The following GRXCR1 variants were observed in gnomAD, a reference collection of about 807,000 sequenced individuals.
GRXCR1 encodes glutaredoxin domain-containing cysteine-rich protein 1.
Under a neutral mutation model 27.3 loss-of-function variants are expected in GRXCR1, and 27 were observed. The observed-to-expected ratio is 0.99, with a 90% CI of 0.73 to 1.37. The LOEUF (loss-of-function observed/expected upper bound fraction) is 1.37, where lower values mean the gene tolerates loss of function less well. Among genes scored for constraint, GRXCR1 ranks in the 40% most tolerant of loss-of-function variants. The pLI is 0.00. For synonymous variants in GRXCR1, 122 were observed against 131.1 expected (o/e 0.93, Z 0.47); for missense variants, 379 against 354.4 (o/e 1.07, Z -0.56).
intron 2 of GRXCR1, among the ~76,000 whole-genome samples, chr4:43,004,118 T>C (rs911735540): frequency 5.9e-5 from 9 of 152,190 alleles, no homozygotes; most frequent in Non-Finnish European, 1.2e-4. Flanking sequence ...TCCCAGCCAC[T>C]CCAGCACCAG....
chr4:42,989,322 C>A lies in GRXCR1; in HGVS notation c.627+26188C>A, dbSNP rs567681617. Among the ~76,000 whole-genome samples the A allele has an allele frequency of 1.2e-4, 18 of 152,138 alleles. No homozygotes were observed. The South Asian group carries it at 3.5e-3, about 30-fold the overall frequency. On this transcript the variant is annotated intron_variant, in intron 2 of 3. Transcript: ENST00000399770. Reference sequence around the variant, plus strand: ...GTGGCCTTTTCTCTCTTCCTATTGTCTCTTCTTCATCTAATATGGACACTA... The same window carrying A: ...GTGGCCTTTTCTCTCTTCCTATTGTATCTTCTTCATCTAATATGGACACTA...
At chr4:42,980,571 C>A (rs1748638073) in intron 2 of GRXCR1, among the ~76,000 whole-genome samples, 2 of 151,998 alleles carry the variant, frequency 1.3e-5, no homozygotes, top group South Asian at 4.1e-4. Context: ...GTGATCTGTC[C>A]TGAAGACTGT....
chr4:42,973,725 A>G (rs908186704), intron 2 of GRXCR1, among the ~76,000 whole-genome samples: 1 of 152,086 alleles, frequency 6.6e-6, no homozygotes, highest in African/African-American at 2.4e-5. Flanking sequence ...AGGCAGACAT[A>G]TTTGCATGCA....
intron 2 of GRXCR1, among the ~76,000 whole-genome samples, chr4:43,003,150 T>A (rs1301131832): frequency 6.6e-6 from 1 of 152,228 alleles, no homozygotes; most frequent in African/African-American, 2.4e-5. Context: ...CCTGTAGAAC[T>A]GTTAGTCACT....
chr4:42,999,516 G>A (rs796872787), intron 2 of GRXCR1, among the ~76,000 whole-genome samples: 4 of 152,170 alleles, frequency 2.6e-5, no homozygotes, highest in African/African-American at 9.6e-5. Flanking sequence ...CCTTTCTTTG[G>A]AAGTAAAAAC....
At chr4:42,977,593 A>T (rs1436503362) in intron 2 of GRXCR1, among the ~76,000 whole-genome samples, 2 of 151,972 alleles carry the variant, frequency 1.3e-5, no homozygotes, top group African/African-American at 4.8e-5. Flanking sequence ...TGTAACTATT[A>T]GTCATTTTAT....
intron 1 of GRXCR1, among the ~76,000 whole-genome samples, chr4:42,946,777 A>T (rs1192302391): frequency 6.6e-6 from 1 of 152,118 alleles, no homozygotes; most frequent in Non-Finnish European, 1.5e-5. Context: ...CCCATCTCTT[A>T]ATACTATTGC....
intron 2 of GRXCR1, among the ~76,000 whole-genome samples, chr4:43,006,691 C>G (rs190315522): frequency 5.3e-5 from 8 of 152,318 alleles, no homozygotes; most frequent in African/African-American, 1.7e-4. Flanking sequence ...ATCCTGTGGT[C>G]CTGTGATCTC....
rs555403611 is a variant in GRXCR1, at chr4:42,986,317, G to A, written c.627+23183G>A. Reference sequence around the variant, plus strand: ...AAGACTTAAAATGCTGAAGTGAGGGGCTCATTGTGAGCTTTTTCTCTGAGT... The same window carrying A: ...AAGACTTAAAATGCTGAAGTGAGGGACTCATTGTGAGCTTTTTCTCTGAGT... On this transcript the variant is annotated intron_variant, in intron 2 of 3. Coordinates refer to ENST00000399770, the MANE Select transcript of GRXCR1 (RefSeq NM_001080476.3). Among the ~76,000 whole-genome samples, 6 of 152,294 alleles carry A rather than the reference G, an allele frequency of 3.9e-5. No homozygotes were observed. In the East Asian group the frequency reaches 9.6e-4, roughly 24 times the overall value.
At chr4:42,951,690 C>T (rs1461592284) in intron 1 of GRXCR1, among the ~76,000 whole-genome samples, 3 of 152,158 alleles carry the variant, frequency 2.0e-5, no homozygotes, top group African/African-American at 7.2e-5. Context: ...TGAGGAATCA[C>T]CACACTTCTT....
At chr4:43,026,647 T>C (rs1440048267) in intron 3 of GRXCR1, among the ~76,000 whole-genome samples, 1 of 152,200 alleles carries the variant, frequency 6.6e-6, no homozygotes, top group Non-Finnish European at 1.5e-5. Flanking sequence ...AAATAAACAT[T>C]GAAAACTACT....
chr4:42,987,728 TC>T (rs1353665652), intron 2 of GRXCR1, among the ~76,000 whole-genome samples: 1 of 152,168 alleles, frequency 6.6e-6, no homozygotes, highest in African/African-American at 2.4e-5. Context: ...TCAGTTCAGT[TC>T]TGGGAAAGAT....
intron 1 of GRXCR1, among the ~76,000 whole-genome samples, chr4:42,933,696 C>G (rs1341069555): frequency 6.6e-6 from 1 of 151,866 alleles, no homozygotes; most frequent in Non-Finnish European, 1.5e-5. Context: ...ACAGAGACTC[C>G]CTTTCACCAT....
chr4:42,915,137 T>C (rs2109747419), intron 1 of GRXCR1, among the ~76,000 whole-genome samples: 1 of 152,242 alleles, frequency 6.6e-6, no homozygotes, highest in African/African-American at 2.4e-5. Context: ...CTCAGTCTAG[T>C]GTTGAGTGGG....
intron 2 of GRXCR1, among the ~76,000 whole-genome samples, chr4:42,984,878 T>C (rs530306682): frequency 6.6e-6 from 1 of 152,332 alleles, no homozygotes; most frequent in African/African-American, 2.4e-5. Context: ...TGCCTGGTGC[T>C]GAAGTGGGTC....
intron 3 of GRXCR1, among the ~76,000 whole-genome samples, chr4:43,029,356 C>T (rs184368893): frequency 8.5e-5 from 13 of 152,138 alleles, no homozygotes; most frequent in Middle Eastern, 6.8e-3. Context: ...ATCCACATTT[C>T]CTGAGCTTAT....
intron 3 of GRXCR1, 58 bp from the exon 4 acceptor site, chr4:43,030,303 G>A: frequency 1.3e-6 from 2 of 1,510,654 alleles, no homozygotes; most frequent in Non-Finnish European, 1.8e-6. Context: ...GAGGCTGATT[G>A]AGTTGTTCAT....
At chr4:42,982,993 C>T (rs1320258502) in intron 2 of GRXCR1, among the ~76,000 whole-genome samples, 1 of 151,954 alleles carries the variant, frequency 6.6e-6, no homozygotes, top group Admixed American at 6.6e-5. Context: ...AATTTTCTCC[C>T]ATTTTGTAGG....
chr4:42,962,197 C>T (rs964937382), intron 1 of GRXCR1, among the ~76,000 whole-genome samples: 1 of 151,896 alleles, frequency 6.6e-6, no homozygotes. Context: ...TGCTTGCCTC[C>T]CCTCCAGTGT....
Sources: gnomAD v4.1 joint callset for allele counts (sites outside exome capture counted in the v4.1 genomes callset) on GRCh38, gnomAD v4.1.1 for gene constraint, MANE v1.5 for transcripts, NCBI Gene and HGNC (gene_info 2026-07-23, HGNC 2026-07-21) for gene names.